PABPC1L: variants seen among roughly 807,000 people sequenced by gnomAD.
The protein encoded by PABPC1L is polyadenylate-binding protein 1-like.
A neutral mutation model predicts 66.6 loss-of-function variants in PABPC1L; 31 were observed. The observed-to-expected ratio is 0.47, with a 90% confidence interval of 0.35 to 0.63. The LOEUF is 0.63. PABPC1L is among the 20% of genes least tolerant of loss of function. The pLI is 0.00. For synonymous variants in PABPC1L, 348 were observed against 335.1 expected, an observed-to-expected ratio of 1.04 and a Z score of -0.42; for missense variants, 722 against 848.8, an observed-to-expected ratio of 0.85 and a Z score of 1.86.
At position 44,936,627 on chromosome 20, in the gene PABPC1L, C is replaced by T; in HGVS notation, c.1567-10C>T. On this transcript the variant is annotated splice_polypyrimidine_tract_variant and intron_variant, in intron 11 of 14. Coordinates refer to ENST00000217073, the MANE Select transcript of PABPC1L (RefSeq NM_001372179.1). ...TGGTGATTAAGGGATGTGTCCCCGG[C>T]ACCATGCAGGTCCAGGAGCCGGCTG... The T allele has an allele frequency of 6.3e-7, 1 of 1,579,366 alleles. No homozygotes were observed. The highest frequency in any genetic ancestry group is 8.6e-7 in the Non-Finnish European group (1 of 1,162,906).
intron 7 of PABPC1L, among the ~76,000 whole-genome samples, chr20:44,928,864 C>CAAAAAAAAAAAAAAAA (rs10597679): frequency 5.5e-5 from 3 of 54,358 alleles, no homozygotes; most frequent in African/African-American, 1.7e-4. Flanking sequence ...GATCCTGACT[C>CAAAAAAAAAAAAAAAA]AAAAAAAAAA....
intron 3 of PABPC1L, 25 bp downstream of exon 3, chr20:44,916,896 G>A (rs1321934064): frequency 6.2e-7 from 1 of 1,605,240 alleles, no homozygotes; most frequent in Non-Finnish European, 8.5e-7. Context: ...CCGAGGGAGG[G>A]GCGGAGGCTG....
At chr20:44,931,007 C>CCCTTCCTTCCTTCCTT (rs2066849759) in intron 8 of PABPC1L, among the ~76,000 whole-genome samples, 1 of 68,274 alleles carries the variant, frequency 1.5e-5, no homozygotes, top group African/African-American at 5.7e-5. Flanking sequence ...TTTCCTTCCT[C>CCCTTCCTTCCTTCCTT]CCTTCCTTCC....
chr20:44,929,810 G>T (rs1182523956), intron 7 of PABPC1L, among the ~76,000 whole-genome samples: 1 of 148,374 alleles, frequency 6.7e-6, no homozygotes, highest in African/African-American at 2.5e-5. Flanking sequence ...AAAAAAAAAA[G>T]ATATATAGCA....
intron 13 of PABPC1L, 57 bp downstream of exon 13, chr20:44,938,248 A>G (rs1158778509): frequency 6.3e-7 from 1 of 1,583,248 alleles, no homozygotes; most frequent in African/African-American, 1.4e-5. Flanking sequence ...AGCTAACGAC[A>G]AGGGCTCTCC....
chr20:44,938,253 C>A (rs368459564), intron 13 of PABPC1L, 62 bp downstream of exon 13: 4 of 1,575,518 alleles, frequency 2.5e-6, no homozygotes, highest in East Asian at 2.3e-5. Context: ...ACGACAAGGG[C>A]TCTCCTAGTG....
chr20:44,914,026 T>C (rs16989485), intron 2 of PABPC1L, among the ~76,000 whole-genome samples: 50,948 of 151,846 alleles, frequency 0.34, 8,687 homozygotes, highest in South Asian at 0.44. Context: ...ACTTTTTATA[T>C]GAGGATGTTG....
intron 10 of PABPC1L, among the ~76,000 whole-genome samples, chr20:44,934,752 T>C (rs1433693470): frequency 6.6e-6 from 1 of 152,230 alleles, no homozygotes; most frequent in African/African-American, 2.4e-5. Flanking sequence ...ACCCTTTGGG[T>C]ATTGTGAATA....
At chr20:44,930,349 T>C in intron 7 of PABPC1L, 111 bp from the exon 8 acceptor site, 1 of 1,407,580 alleles carries the variant, frequency 7.1e-7, no homozygotes, top group Non-Finnish European at 9.7e-7. Context: ...ATCACAGCTT[T>C]CTCGCGGGCC....
In PABPC1L at chr20:44,910,488, G is replaced by T. The variant is rs2066696865; in HGVS notation, c.193+152G>T. The T allele has an allele frequency of 9.0e-6, 8 of 885,724 alleles. No individual in the cohort carries two copies. The Admixed American group carries it at 9.6e-5, about 11-fold the overall frequency. 54.9% of individuals were successfully genotyped at this position (885,724 alleles called of 1,614,324 possible). ...ATAACAGGGCGTTGGCAGAGGCCTGGCCCCTGAGACGGGAATTGGTAATTA... is the reference window on the plus strand; with the variant it reads ...ATAACAGGGCGTTGGCAGAGGCCTGTCCCCTGAGACGGGAATTGGTAATTA... On this transcript the variant is annotated intron_variant, in intron 1 of 14. Transcript: ENST00000217073.
intron 7 of PABPC1L, among the ~76,000 whole-genome samples, chr20:44,926,415 C>T (rs141643901): frequency 0.016 from 2,441 of 150,608 alleles, 69 homozygotes; most frequent in African/African-American, 0.057. Flanking sequence ...TTAGTAGAGA[C>T]GGGGTTTCAC....
In PABPC1L at chr20:44,938,191, G is replaced by T; in HGVS notation, c.1791G>T (p.Lys597Asn). 1.2e-6 allele frequency: 2 copies of T among 1,613,618 alleles called. No individual in the cohort carries two copies. Among genetic ancestry groups the T allele is most frequent in the Non-Finnish European group, 1.7e-6 (2 of 1,179,778 alleles). ...MLESPESLHA[K>N]IDEAVAVLQA... The stretch of plus-strand genomic sequence containing the variant: ...AGTCTCCAGAATCCCTCCATGCCAA[G>T]GTAAGCAGGAGCCTGGGCAGCAGGG... The change falls in exon 13 of 15, where the codon AAG (lysine) becomes AAT (asparagine). Residue 597 changes from lysine to asparagine, a missense_variant and splice_region_variant. Transcript: ENST00000217073.
intron 6 of PABPC1L, among the ~76,000 whole-genome samples, chr20:44,922,767 C>G (rs2066783232): frequency 6.6e-6 from 1 of 152,208 alleles, no homozygotes; most frequent in Non-Finnish European, 1.5e-5. Context: ...CTCAGTAGTT[C>G]TCAGTGAGGA....
At chr20:44,927,534 A>G (rs1043177149) in intron 7 of PABPC1L, among the ~76,000 whole-genome samples, 1 of 151,830 alleles carries the variant, frequency 6.6e-6, no homozygotes, top group Non-Finnish European at 1.5e-5. Context: ...TTTTTAGTAG[A>G]GATGGGGTGT....
At position 44,930,611 on chromosome 20, in the gene PABPC1L, A is replaced by T. The variant is rs368511144; in HGVS notation, c.1124A>T (p.Lys375Met). The T allele has an allele frequency of 1.9e-5, 31 of 1,614,138 alleles. No individual in the cohort carries two copies. The African/African-American group carries it at 3.7e-4, about 19-fold the overall frequency. Residue 375 changes from lysine to methionine, a missense_variant, in exon 8 of 15, where the codon AAG becomes ATG. Transcript: ENST00000217073. ...VALAQRKEER[K>M]AILTNQYMQR... ...CTGGCCCAGCGCAAAGAGGAGCGGA[A>T]GGCCATCTTGACCAACCAGTACATG...
At chr20:44,932,977 C>T in intron 9 of PABPC1L, 80 bp from the exon 10 acceptor site, 1 of 913,094 alleles carries the variant, frequency 1.1e-6, no homozygotes, top group South Asian at 1.5e-5. Flanking sequence ...GCCCTGGAAG[C>T]TTCTAGGCAC....
At chr20:44,913,213 G>A (rs1342041293) in intron 2 of PABPC1L, among the ~76,000 whole-genome samples, 4 of 152,164 alleles carry the variant, frequency 2.6e-5, no homozygotes, top group South Asian at 2.1e-4. Flanking sequence ...GGGAGCTCTC[G>A]CTGGGTATAT....
chr20:44,916,513 A>T (rs1194793322), intron 2 of PABPC1L, among the ~76,000 whole-genome samples: 1 of 152,170 alleles, frequency 6.6e-6, no homozygotes, highest in Non-Finnish European at 1.5e-5. Flanking sequence ...ACCTCAAGTG[A>T]TATGCCCACC....
At position 44,921,147 on chromosome 20, in the gene PABPC1L, C is replaced by T. The variant is rs567047700; in HGVS notation, c.739-447C>T. ...TGTTTCTTAAAATACAGCCCCAGTCCGAATTTTTTTTTTTTTTTTGAGATG... is the reference window on the plus strand; with the variant it reads ...TGTTTCTTAAAATACAGCCCCAGTCTGAATTTTTTTTTTTTTTTTGAGATG... On this transcript the variant is annotated intron_variant, in intron 5 of 14. Transcript: ENST00000217073. 1.4e-4 allele frequency among the ~76,000 whole-genome samples: 18 copies of T among 129,904 alleles called. No individual in the cohort carries two copies. The East Asian group carries it at 2.6e-3, about 19-fold the overall frequency. 85.2% of individuals were successfully genotyped at this position (129,904 alleles called of 152,430 possible).
Sources: gnomAD v4.1 joint callset for allele counts (sites outside exome capture counted in the v4.1 genomes callset) on GRCh38, gnomAD v4.1.1 for gene constraint, MANE v1.5 for transcripts, NCBI Gene and HGNC (gene_info 2026-07-23, HGNC 2026-07-21) for gene names.